BAZ1B: variants seen among roughly 807,000 people sequenced by gnomAD.
The protein encoded by BAZ1B is bromodomain adjacent to zinc finger domain 1B.
A neutral mutation model predicts 153.8 loss-of-function variants in BAZ1B; 22 were observed. The ratio of observed to expected loss-of-function variants is 0.14; its 90% confidence interval spans 0.10 to 0.20. The LOEUF is 0.20. Among genes scored for constraint, BAZ1B ranks in the 10% least tolerant of loss-of-function variants. The pLI, the probability that BAZ1B is intolerant of heterozygous loss-of-function variation, is 1.00. For synonymous variants in BAZ1B, 676 were observed against 633.4 expected (o/e 1.07, Z -1.01); for missense variants, 1,325 against 1,799.3 (o/e 0.74, Z 4.77).
chr7:73,472,789 G>C (rs781814613), intron 7 of BAZ1B, among the ~76,000 whole-genome samples: 1 of 149,350 alleles, frequency 6.7e-6, no homozygotes, highest in Non-Finnish European at 1.5e-5. Context: ...ATGGAGTCTC[G>C]CTCTATCATC....
chr7:73,491,934 T>A (rs1789661963), intron 5 of BAZ1B, among the ~76,000 whole-genome samples: 1 of 151,516 alleles, frequency 6.6e-6, no homozygotes, highest in Admixed American at 6.6e-5. Context: ...TAGGAATACC[T>A]GAAAAGTAAC....
At chr7:73,445,321 T>G (rs1463131999) in intron 16 of BAZ1B, among the ~76,000 whole-genome samples, 2 of 152,146 alleles carry the variant, frequency 1.3e-5, no homozygotes, top group Non-Finnish European at 2.9e-5. Context: ...AAGCCCAGGC[T>G]AGTAAGAAAG....
At chr7:73,489,635 C>G (rs1789557244) in intron 5 of BAZ1B, among the ~76,000 whole-genome samples, 1 of 152,078 alleles carries the variant, frequency 6.6e-6, no homozygotes, top group Non-Finnish European at 1.5e-5. Context: ...GGCAATATAA[C>G]AAGACCCTCT....
chr7:73,466,530 T>C (rs1035697162), intron 9 of BAZ1B, 129 bp from the exon 10 acceptor site: 5 of 595,000 alleles, frequency 8.4e-6, no homozygotes, highest in African/African-American at 7.4e-5. Context: ...ATATATCAAA[T>C]ATATCTTCAT....
At chr7:73,452,858 C>G (rs1405459923) in intron 13 of BAZ1B, among the ~76,000 whole-genome samples, 1 of 152,130 alleles carries the variant, frequency 6.6e-6, no homozygotes, top group Non-Finnish European at 1.5e-5. Context: ...TAGCCCCATC[C>G]TAAATTCAGG....
At chr7:73,514,852 T>C (rs1484836003) in intron 1 of BAZ1B, among the ~76,000 whole-genome samples, 2 of 151,408 alleles carry the variant, frequency 1.3e-5, no homozygotes, top group African/African-American at 4.9e-5. Context: ...GAGGCTGAAG[T>C]GGGTGGATCA....
intron 19 of BAZ1B, chr7:73,441,939 G>A (rs2240466): frequency 0.1 from 51,419 of 497,894 alleles, 3,012 homozygotes; most frequent in Middle Eastern, 0.12. Flanking sequence ...AGAAAAGCTA[G>A]ACCCTCGGAC....
At chr7:73,492,660 T>C (rs1789698753) in intron 5 of BAZ1B, 140 bp downstream of exon 5, 1 of 749,940 alleles carries the variant, frequency 1.3e-6, no homozygotes, top group African/African-American at 1.8e-5. Flanking sequence ...AGTCATTAAT[T>C]ACTGTAACTA....
intron 6 of BAZ1B, among the ~76,000 whole-genome samples, chr7:73,485,362 T>C (rs1263300657): frequency 6.6e-6 from 1 of 152,120 alleles, no homozygotes; most frequent in African/African-American, 2.4e-5. Context: ...GGCTCACGCC[T>C]GTAATCCCAA....
At chr7:73,475,090 G>A (rs1284724209) in intron 7 of BAZ1B, among the ~76,000 whole-genome samples, 1 of 152,176 alleles carries the variant, frequency 6.6e-6, no homozygotes, top group African/African-American at 2.4e-5. Context: ...TATTGATGAG[G>A]AAGGAGAAAA....
At position 73,466,277 on chromosome 7, in the gene BAZ1B, A is replaced by G; in HGVS notation, c.2972+19T>C. On this transcript the variant is annotated intron_variant, in intron 10 of 19. Coordinates refer to ENST00000339594, the MANE Select transcript of BAZ1B (RefSeq NM_032408.4). ...TTAAAAGGAAAAAGAAAGAGCAACC[A>G]GATGAATGCTCACATTACCATAGGT... The G allele has an allele frequency of 6.5e-7, 1 of 1,541,380 alleles. No individual in the cohort carries two copies. The highest frequency in any genetic ancestry group is 2.2e-5 in the East Asian group (1 of 44,500).
chr7:73,519,757 G>A (rs1004968654), intron 1 of BAZ1B, among the ~76,000 whole-genome samples: 115 of 152,156 alleles, frequency 7.6e-4, no homozygotes, highest in African/African-American at 2.7e-3. Flanking sequence ...TCTTCTCTAT[G>A]GCATGTTTCT....
chr7:73,448,095 G>A (rs1401214017), intron 15 of BAZ1B, among the ~76,000 whole-genome samples: 2 of 152,124 alleles, frequency 1.3e-5, no homozygotes, highest in Non-Finnish European at 2.9e-5. Flanking sequence ...ACCTAAGGTC[G>A]GGAGTTCGAG....
At chr7:73,492,706 A>G (rs575030449) in intron 5 of BAZ1B, 94 bp downstream of exon 5, 2 of 1,303,282 alleles carry the variant, frequency 1.5e-6, no homozygotes, top group East Asian at 4.7e-5. Context: ...ATTCATTTAC[A>G]TTTTTCTTCA....
chr7:73,508,199 T>C, intron 3 of BAZ1B, 128 bp downstream of exon 3: 1 of 1,059,846 alleles, frequency 9.4e-7, no homozygotes, highest in Non-Finnish European at 1.3e-6. Context: ...ACGTAAAGTA[T>C]TAATACTTAA....
intron 10 of BAZ1B, among the ~76,000 whole-genome samples, chr7:73,465,802 T>G (rs1788561449): frequency 6.6e-6 from 1 of 152,168 alleles, no homozygotes; most frequent in South Asian, 2.1e-4. Context: ...TACTTGTCCC[T>G]TTCCCTCCAG....
intron 6 of BAZ1B, among the ~76,000 whole-genome samples, chr7:73,479,205 A>G (rs531065100): frequency 6.6e-6 from 1 of 152,164 alleles, no homozygotes; most frequent in South Asian, 2.1e-4. Context: ...GTCCTCACCC[A>G]ACACTTTTAA....
intron 9 of BAZ1B, among the ~76,000 whole-genome samples, chr7:73,469,159 AGAG>A (rs1788704736): frequency 1.3e-5 from 2 of 151,772 alleles, no homozygotes; most frequent in African/African-American, 2.4e-5. Context: ...AAGAAGAAGA[AGAG>A]GACATCTAAC....
Position 73,478,290 on chromosome 7 carries a change from C to T in BAZ1B, c.1171G>A (p.Ala391Thr), listed in dbSNP as rs1554573188. 3 of 1,614,160 alleles carry T rather than the reference C, an allele frequency of 1.9e-6. No individual in the cohort carries two copies. The highest frequency in any genetic ancestry group is 2.2e-5 in the East Asian group (1 of 44,888). The stretch of plus-strand genomic sequence containing the variant: ...TCACTGTGCTTCCCTGGTTTCTTGG[C>T]AGGTGGGCCTTTTTTAGGAATGTGA... The part of the protein sequence containing the change: ...NFHIPKKGPP[A>T]KKPGKHSDKP... Residue 391 changes from alanine (A) to threonine (T), a missense_variant, in exon 7 of 20, where the codon GCC becomes ACC. Around this residue, in one of 9 missense-constraint regions of BAZ1B, gnomAD observed 219 missense variants for 248.2 expected, o/e 0.88. Coordinates refer to ENST00000339594, the MANE Select transcript of BAZ1B (RefSeq NM_032408.4).
Sources: gnomAD v4.1 joint callset for allele counts (sites outside exome capture counted in the v4.1 genomes callset) on GRCh38, gnomAD v4.1.1 for gene constraint, gnomAD v4.1.1 regional missense constraint, MANE v1.5 for transcripts, NCBI Gene and HGNC (gene_info 2026-07-23, HGNC 2026-07-21) for gene names.